The following MYO6 variants were observed in gnomAD, a reference collection of about 807,000 sequenced individuals.
MYO6 encodes myosin VI, also known as unconventional myosin-VI.
MYO6 carries 74 observed loss-of-function variants against 178.7 expected under a neutral mutation model. The observed-to-expected ratio is 0.41, with a 90% CI of 0.34 to 0.50. The LOEUF is 0.50. Ranked by LOEUF, MYO6 falls within the 20% of genes least tolerant of loss-of-function variation. MYO6 has a pLI of 0.09. For synonymous variants in MYO6, 477 were observed against 504.6 expected, an observed-to-expected ratio of 0.95 and a Z score of 0.73; for missense variants, 1,330 against 1,547.4, an observed-to-expected ratio of 0.86 and a Z score of 2.36.
At chr6:75,818,788 C>G (rs1771558224) in intron 2 of MYO6, among the ~76,000 whole-genome samples, 1 of 152,058 alleles carries the variant, frequency 6.6e-6, no homozygotes, top group African/African-American at 2.4e-5. Flanking sequence ...AAGATACCCT[C>G]AGGACAGGAA....
intron 18 of MYO6, among the ~76,000 whole-genome samples, chr6:75,870,391 G>A (rs929261131): frequency 6.6e-6 from 1 of 152,040 alleles, no homozygotes; most frequent in African/African-American, 2.4e-5. Context: ...ATGTGTGTAT[G>A]TTTTTAATAT....
intron 9 of MYO6, among the ~76,000 whole-genome samples, chr6:75,843,037 A>G (rs1774390731): frequency 6.6e-6 from 1 of 152,170 alleles, no homozygotes; most frequent in Non-Finnish European, 1.5e-5. Context: ...CGTTGCATAC[A>G]TCTGCCATCT....
chr6:75,778,022 A>AT (rs955229910), intron 1 of MYO6, among the ~76,000 whole-genome samples: 21 of 151,462 alleles, frequency 1.4e-4, no homozygotes, highest in East Asian at 1.4e-3. Context: ...ACAATATGGT[A>AT]TTTTTTTTTA....
intron 1 of MYO6, among the ~76,000 whole-genome samples, chr6:75,755,877 G>C (rs995806694): frequency 7.9e-5 from 12 of 152,278 alleles, no homozygotes; most frequent in Middle Eastern, 3.4e-3. Flanking sequence ...CTTCATACTA[G>C]GATGTAATCA....
At chr6:75,828,734 TAG>T in intron 4 of MYO6, 121 bp downstream of exon 4, 1 of 748,258 alleles carries the variant, frequency 1.3e-6, no homozygotes, top group Non-Finnish European at 2.4e-6. Flanking sequence ...GCCTCTTGAA[TAG>T]AGTGTGAGGT....
rs1465136981 is a variant in MYO6, at chr6:75,908,569, G to A, written c.3354G>A (p.Lys1118=). 2 of 1,613,374 alleles carry A rather than the reference G, an allele frequency of 1.2e-6. No individual in the cohort carries two copies. Among genetic ancestry groups the A allele is most frequent in the South Asian group, 1.1e-5 (1 of 91,036 alleles). Residue 1118 remains lysine, a synonymous_variant, in exon 32 of 35, where the codon AAG becomes AAA. Transcript: ENST00000369977. The part of the protein sequence containing the change: ...RLKVYHAWKS[K]NKKRNTETEQ... The stretch of plus-strand genomic sequence containing the variant: ...AAGTGTATCATGCTTGGAAATCTAA[G>A]AACAAGAAGAGAAATACTGAAACAG...
At chr6:75,909,623 C>T (rs1214690042) in intron 32 of MYO6, among the ~76,000 whole-genome samples, 1 of 152,118 alleles carries the variant, frequency 6.6e-6, no homozygotes, top group African/African-American at 2.4e-5. Flanking sequence ...ACTGAGAATA[C>T]GTGTGATATG....
At chr6:75,902,888 C>G (rs1287316923) in intron 30 of MYO6, among the ~76,000 whole-genome samples, 1 of 151,876 alleles carries the variant, frequency 6.6e-6, no homozygotes, top group Non-Finnish European at 1.5e-5. Flanking sequence ...CCTCTACACA[C>G]TGCGTTGAAT....
At chr6:75,789,481 TTTAG>T (rs1339090503) in intron 1 of MYO6, among the ~76,000 whole-genome samples, 6 of 152,216 alleles carry the variant, frequency 3.9e-5, no homozygotes, top group African/African-American at 9.6e-5. Flanking sequence ...CGTATTATAA[TTTAG>T]TTAATTACCT....
Position 75,892,536 on chromosome 6 carries a change from G to A in MYO6, c.2953G>A (p.Val985Met). ...AGCTTTCTGCCCTTGTCAGGCTGAA[G>A]TGGAGGCACAGCTGGCCCGACAGAA... is the stretch of plus-strand genomic sequence containing the variant. ...EDDEKRIQAE[V>M]EAQLARQKEE... Residue 985 changes from valine (V) to methionine (M), a missense_variant, in exon 28 of 35, where the codon GTG (valine) becomes ATG (methionine). Transcript: ENST00000369977. 6.2e-7 allele frequency: 1 copy of A among 1,614,074 alleles called. No homozygotes were observed. The highest frequency in any genetic ancestry group is 8.5e-7 in the Non-Finnish European group (1 of 1,180,040).
At chr6:75,772,873 A>G (rs1359275679) in intron 1 of MYO6, among the ~76,000 whole-genome samples, 1 of 152,244 alleles carries the variant, frequency 6.6e-6, no homozygotes, top group East Asian at 1.9e-4. Context: ...TTTAGTAAAT[A>G]TACTTATTAT....
intron 11 of MYO6, among the ~76,000 whole-genome samples, chr6:75,853,540 C>T (rs137876158): frequency 6.6e-6 from 1 of 152,218 alleles, no homozygotes; most frequent in African/African-American, 2.4e-5. Flanking sequence ...CAGCTTCATT[C>T]TTTTGCATGT....
chr6:75,881,930 C>A, intron 23 of MYO6, 112 bp downstream of exon 23: 3 of 1,240,414 alleles, frequency 2.4e-6, no homozygotes, highest in Non-Finnish European at 2.4e-6. Flanking sequence ...GAGACTTGTT[C>A]ACACTGGGTC....
At chr6:75,840,320 C>T (rs1384031106) in intron 7 of MYO6, among the ~76,000 whole-genome samples, 1 of 151,912 alleles carries the variant, frequency 6.6e-6, no homozygotes, top group African/African-American at 2.4e-5. Flanking sequence ...CACCTCCACG[C>T]CTGGCTAATT....
chr6:75,804,930 CATATATACAT>C (rs966213784), intron 1 of MYO6, among the ~76,000 whole-genome samples: 6 of 144,106 alleles, frequency 4.2e-5, no homozygotes, highest in Non-Finnish European at 7.5e-5. Context: ...AATATATACA[CATATATACAT>C]ATATACACAT....
In MYO6 at chr6:75,890,275, T is replaced by C. The variant is rs1055985465; in HGVS notation, c.2867+10T>C. 1 of 1,613,424 alleles carries C rather than the reference T, an allele frequency of 6.2e-7. No individual in the cohort carries two copies. ...AGGAGGAAAGGCGGATGTGAGGCAT[T>C]TATATTATTTTGAATAAGAGACTTA... On this transcript the variant is annotated intron_variant, in intron 26 of 34. Transcript: ENST00000369977.
chr6:75,759,127 C>A (rs967562117), intron 1 of MYO6, among the ~76,000 whole-genome samples: 4 of 152,138 alleles, frequency 2.6e-5, no homozygotes, highest in South Asian at 2.1e-4. Flanking sequence ...GCCTCAGTCT[C>A]CCAAAGTGCT....
At chr6:75,840,013 A>C (rs1774056330) in intron 7 of MYO6, among the ~76,000 whole-genome samples, 1 of 152,002 alleles carries the variant, frequency 6.6e-6, no homozygotes, top group Non-Finnish European at 1.5e-5. Flanking sequence ...TGGCTTAAAA[A>C]TTTAGTCTTT....
At chr6:75,864,468 A>ATG (rs1336023672) in intron 16 of MYO6, among the ~76,000 whole-genome samples, 40 of 152,356 alleles carry the variant, frequency 2.6e-4, no homozygotes, top group Non-Finnish European at 1.2e-4. Flanking sequence ...ATAAAACAAT[A>ATG]TGTATCCTCA....
Sources: allele counts gnomAD v4.1 joint callset (sites outside exome capture counted in the v4.1 genomes callset), GRCh38; gene constraint gnomAD v4.1.1; transcripts MANE v1.5; gene names NCBI Gene and HGNC (gene_info 2026-07-23, HGNC 2026-07-21).